Variants in GALNT2 observed in about 807,000 individuals in gnomAD.
The protein encoded by GALNT2 is polypeptide N-acetylgalactosaminyltransferase 2.
Under a neutral mutation model 81.4 loss-of-function variants are expected in GALNT2, and 31 were observed. The ratio of observed to expected loss-of-function variants is 0.38; its 90% confidence interval spans 0.29 to 0.51. GALNT2 has a LOEUF of 0.51. GALNT2 is among the 20% of genes least tolerant of loss of function. The pLI, the probability that GALNT2 is intolerant of heterozygous loss-of-function variation, is 0.87. For missense variants in GALNT2, 629 were observed against 765.7 expected (o/e 0.82, Z 2.11); for synonymous variants, 303 against 287.4 (o/e 1.05, Z -0.55).
intron 2 of GALNT2, among the ~76,000 whole-genome samples, chr1:230,192,634 T>C (rs1355820496): frequency 6.6e-6 from 1 of 152,264 alleles, no homozygotes; most frequent in African/African-American, 2.4e-5. Flanking sequence ...ACATGAAGAT[T>C]TATTGCACTT....
rs900419417 is a variant in GALNT2, at chr1:230,178,607, T to C, written c.220+296T>C. ...AAATATTTTTAATAGACTTTATTTT[T>C]TAGGGCAGTTTTAGCTTCAGAACAA... On this transcript the variant is annotated intron_variant, in intron 2 of 15. Coordinates refer to ENST00000366672, the MANE Select transcript of GALNT2 (RefSeq NM_004481.5). Among the ~76,000 whole-genome samples the C allele has an allele frequency of 2.6e-5, 4 of 152,218 alleles. No homozygotes were observed. In the South Asian group the frequency reaches 6.2e-4, roughly 24 times the overall value.
intron 2 of GALNT2, among the ~76,000 whole-genome samples, chr1:230,192,185 G>C (rs934154504): frequency 6.6e-6 from 1 of 152,252 alleles, no homozygotes; most frequent in Non-Finnish European, 1.5e-5. Context: ...ACTTAAAAGT[G>C]AGTTGTCGGG....
intron 3 of GALNT2, among the ~76,000 whole-genome samples, chr1:230,226,369 C>T (rs539961585): frequency 6.6e-6 from 1 of 152,278 alleles, no homozygotes; most frequent in African/African-American, 2.4e-5. Context: ...GTGCTAACAC[C>T]CTCCCCCTGC....
intron 1 of GALNT2, among the ~76,000 whole-genome samples, chr1:230,122,614 CTGTG>C (rs3033644): frequency 1.3e-5 from 2 of 150,866 alleles, no homozygotes; most frequent in Non-Finnish European, 3.0e-5. Flanking sequence ...AAGGGTGGCT[CTGTG>C]TGTGTGTGTG....
chr1:230,151,261 T>C (rs963664481), intron 1 of GALNT2, among the ~76,000 whole-genome samples: 1 of 152,148 alleles, frequency 6.6e-6, no homozygotes, highest in South Asian at 2.1e-4. Context: ...TGGAGAAGTG[T>C]CCCAGTAGAA....
intron 3 of GALNT2, among the ~76,000 whole-genome samples, chr1:230,205,812 A>C (rs905584989): frequency 4.6e-5 from 7 of 152,280 alleles, no homozygotes; most frequent in Admixed American, 4.6e-4. Context: ...AGCCCATGCC[A>C]GGTGCTTCTC....
At chr1:230,196,165 C>T (rs1572074203) in intron 2 of GALNT2, among the ~76,000 whole-genome samples, 2 of 152,332 alleles carry the variant, frequency 1.3e-5, no homozygotes, top group Middle Eastern at 3.4e-3. Context: ...GGGCACAGGG[C>T]CCCCTCACCT....
chr1:230,151,182 G>A (rs1019648278), intron 1 of GALNT2, among the ~76,000 whole-genome samples: 12 of 152,184 alleles, frequency 7.9e-5, no homozygotes, highest in Admixed American at 4.6e-4. Flanking sequence ...CGTGGCCACC[G>A]TTGTCTTTTC....
chr1:230,261,081 CTTT>C (rs60478941), intron 11 of GALNT2, among the ~76,000 whole-genome samples: 56 of 130,342 alleles, frequency 4.3e-4, no homozygotes, highest in Admixed American at 7.0e-4. Flanking sequence ...TAAAGTTTCT[CTTT>C]TTTTTTTTTT....
intron 1 of GALNT2, among the ~76,000 whole-genome samples, chr1:230,150,044 C>T (rs1236377590): frequency 6.6e-6 from 1 of 152,204 alleles, no homozygotes; most frequent in Non-Finnish European, 1.5e-5. Flanking sequence ...GACAGCCACA[C>T]AGTATGATGG....
chr1:230,221,148 A>G (rs1177204970), intron 3 of GALNT2, among the ~76,000 whole-genome samples: 1 of 151,660 alleles, frequency 6.6e-6, no homozygotes, highest in Non-Finnish European at 1.5e-5. Flanking sequence ...GTAAAATGAC[A>G]CTGTATTTGC....
intron 3 of GALNT2, among the ~76,000 whole-genome samples, chr1:230,223,406 G>T (rs773823326): frequency 2.4e-4 from 36 of 150,146 alleles, no homozygotes; most frequent in Non-Finnish European, 4.9e-4. Flanking sequence ...CATATATTTT[G>T]ATTTTTAAGC....
chr1:230,120,290 A>G (rs1472990432), intron 1 of GALNT2, among the ~76,000 whole-genome samples: 1 of 151,790 alleles, frequency 6.6e-6, no homozygotes, highest in Admixed American at 6.6e-5. Flanking sequence ...TCAAAGTTCC[A>G]CCCATTCAGT....
At chr1:230,265,460 T>A in intron 14 of GALNT2, 93 bp downstream of exon 14, 1 of 1,548,374 alleles carries the variant, frequency 6.5e-7, no homozygotes, top group South Asian at 1.2e-5. Flanking sequence ...GCCACCTTTC[T>A]CCTGGGATGG....
intron 1 of GALNT2, among the ~76,000 whole-genome samples, chr1:230,139,617 G>A (rs937603421): frequency 1.2e-4 from 19 of 152,216 alleles, no homozygotes; most frequent in African/African-American, 4.3e-4. Flanking sequence ...AGCTAGAATT[G>A]TAAGAAAATG....
intron 2 of GALNT2, among the ~76,000 whole-genome samples, chr1:230,196,300 C>T (rs750373088): frequency 7.9e-5 from 12 of 152,212 alleles, no homozygotes; most frequent in Non-Finnish European, 1.8e-4. Context: ...TTCTCCGGGG[C>T]TTTCTTGGAA....
chr1:230,225,356 G>A (rs375466065), intron 3 of GALNT2, among the ~76,000 whole-genome samples: 65 of 152,278 alleles, frequency 4.3e-4, no homozygotes, highest in African/African-American at 1.5e-3. Context: ...GTTTGGGATG[G>A]GCCCTAGTGG....
rs530677004 is a variant in GALNT2 at position 230,246,277 on chromosome 1, A to G, written c.817+127A>G. On this transcript the variant is annotated intron_variant, in intron 8 of 15. Coordinates refer to ENST00000366672, the MANE Select transcript of GALNT2 (RefSeq NM_004481.5). ...CACGCCGTAGTGTGTGTTCTGAGTA[A>G]AAACCACCTGTGTGCTTAACGAGTA... 5 of 741,460 alleles carry G rather than the reference A, an allele frequency of 6.7e-6. No homozygotes were observed. In the African/African-American group the frequency reaches 8.7e-5, roughly 13 times the overall value. 45.9% of individuals were successfully genotyped at this position (741,460 alleles called of 1,614,324 possible). A position where few individuals can be genotyped will look rare whatever the true frequency, so the allele number is the denominator to read the frequency against.
intron 1 of GALNT2, among the ~76,000 whole-genome samples, chr1:230,176,107 GA>G (rs1169246604): frequency 6.6e-6 from 1 of 152,070 alleles, no homozygotes; most frequent in Non-Finnish European, 1.5e-5. Flanking sequence ...ATATGGGCAT[GA>G]ACTCACCCTG....
Sources: gnomAD v4.1 joint callset for allele counts (sites outside exome capture counted in the v4.1 genomes callset) on GRCh38, gnomAD v4.1.1 for gene constraint, MANE v1.5 for transcripts, NCBI Gene and HGNC (gene_info 2026-07-23, HGNC 2026-07-21) for gene names.